The following HEXD variants were observed in gnomAD, a reference collection of about 807,000 sequenced individuals.
The protein encoded by HEXD is N-acetyl-beta-galactosaminidase.
In HEXD, 47 loss-of-function variants were observed where a neutral mutation model predicts 54.2. That is an observed-to-expected ratio of 0.87 (90% CI 0.69 to 1.11). The LOEUF (loss-of-function observed/expected upper bound fraction) is 1.11. Among genes scored for constraint, HEXD ranks in the 50% least tolerant of loss-of-function variants. The pLI, the probability that HEXD is intolerant of heterozygous loss-of-function variation, is 0.00. For synonymous variants in HEXD, 293 were observed against 287.6 expected (o/e 1.02, Z -0.19); for missense variants, 576 against 649.2 (o/e 0.89, Z 1.23).
At chr17:82,423,375 G>GCTCCTT (rs1328836255) in intron 2 of HEXD, 5 of 152,252 alleles carry the variant, frequency 3.3e-5, no homozygotes, top group African/African-American at 9.6e-5. Flanking sequence ...GTGTCATCCA[G>GCTCCTT]GAGGCCTAGC....
At chr17:82,440,848 TG>T in intron 9 of HEXD, 148 bp from the exon 10 acceptor site, 1 of 825,510 alleles carries the variant, frequency 1.2e-6, no homozygotes, top group Non-Finnish European at 2.0e-6. Context: ...CAGGTCCCCT[TG>T]GGGCCGGCAC....
intron 11 of HEXD, 72 bp downstream of exon 11, chr17:82,441,338 G>A (rs1187033111): frequency 2.9e-6 from 4 of 1,400,522 alleles, no homozygotes; most frequent in Non-Finnish European, 2.9e-6. Context: ...GAGGGGGCAG[G>A]TGTGGGTGGG....
intron 3 of HEXD, 28 bp downstream of exon 3, chr17:82,424,531 G>C (rs1180911355): frequency 1.9e-6 from 3 of 1,540,762 alleles, no homozygotes; most frequent in Non-Finnish European, 2.7e-6. Flanking sequence ...AGGTACAGGG[G>C]CGCGGCGTGA....
chr17:82,433,040 T>G (rs2053627143), intron 4 of HEXD, among the ~76,000 whole-genome samples: 1 of 113,166 alleles, frequency 8.8e-6, no homozygotes, highest in African/African-American at 3.4e-5. Context: ...CACTCCAGAC[T>G]GGGCGGCAGA....
At chr17:82,438,904 GCTC>G (rs1182799098) in intron 8 of HEXD, among the ~76,000 whole-genome samples, 2 of 152,384 alleles carry the variant, frequency 1.3e-5, no homozygotes, top group African/African-American at 4.8e-5. Context: ...GCGGGGCGAG[GCTC>G]CTCCTCCCCC....
At chr17:82,436,346 C>T (rs1486489152) in intron 6 of HEXD, among the ~76,000 whole-genome samples, 3 of 152,226 alleles carry the variant, frequency 2.0e-5, no homozygotes, top group African/African-American at 4.8e-5. Context: ...GTCCTAGGGC[C>T]GTGCCGGCCT....
intron 2 of HEXD, 56 bp from the exon 3 acceptor site, chr17:82,424,338 G>T: frequency 8.7e-7 from 1 of 1,147,982 alleles, no homozygotes. Context: ...CTGTGGACTT[G>T]CCACATCGTG....
chr17:82,436,386 G>A (rs894281122), intron 6 of HEXD, among the ~76,000 whole-genome samples: 3 of 152,222 alleles, frequency 2.0e-5, no homozygotes, highest in African/African-American at 7.2e-5. Context: ...TGGCCACATA[G>A]ATGACTTAGA....
chr17:82,433,727 C>T lies in HEXD; in HGVS notation c.352C>T (p.His118Tyr). 1.2e-6 allele frequency: 2 copies of T among 1,613,302 alleles called. No homozygotes were observed. Among genetic ancestry groups the T allele is most frequent in the Non-Finnish European group, 1.7e-6 (2 of 1,179,872 alleles). Reference protein sequence around the residue: ...VGSFPCTLNPHEAESLALVGA... With the variant: ...VGSFPCTLNPYEAESLALVGA... ...CTCCTTCCCCTGCACCCTGAACCCC[C>T]ACGAGGCAGAGTCCCTGGCGCTGGT... The change falls in exon 5 of 13, where the codon CAC becomes TAC. Residue 118 changes from histidine to tyrosine, a missense_variant. Physicochemically the swap from His to Tyr is moderately conservative, Grantham distance 83. Coordinates refer to ENST00000327949, the MANE Select transcript of HEXD (RefSeq NM_001330542.2).
rs2053333853 is a variant in HEXD at position 82,424,403 on chromosome 17, CTG to C, written c.96_97del (p.Phe33ProfsTer11). Reference sequence around the variant, plus strand: ...CCTGTTTACCCCCCAGATTTTTCCTCTGTTCCGTGCGCTAGGTGCAAACGGCC... The same window carrying C: ...CCTGTTTACCCCCCAGATTTTTCCTCTTCCGTGCGCTAGGTGCAAACGGCC... ...KVSYLSEIFP[L>X]FRALGANGLL... On this transcript the variant is annotated frameshift_variant, in exon 3 of 13. Coordinates refer to ENST00000327949, the MANE Select transcript of HEXD (RefSeq NM_001330542.2). LOFTEE classifies it high-confidence loss of function. The C allele has an allele frequency of 6.2e-7, 1 of 1,613,658 alleles. No homozygotes were observed. Among genetic ancestry groups the C allele is most frequent in the African/African-American group, 1.3e-5 (1 of 75,042 alleles).
chr17:82,427,960 T>G (rs1021629104), intron 3 of HEXD: 3 of 152,326 alleles, frequency 2.0e-5, no homozygotes, highest in Non-Finnish European at 4.4e-5. Context: ...GACCCGGCTC[T>G]GGATGGAGTG....
intron 6 of HEXD, 118 bp downstream of exon 6, chr17:82,435,990 C>G (rs893860662): frequency 1.1e-6 from 1 of 927,492 alleles, no homozygotes; most frequent in Non-Finnish European, 1.6e-6. Context: ...CCCGCACAGA[C>G]CCGCCACAAC....
rs2053135875 is a variant in HEXD at position 82,418,615 on chromosome 17, C to G, written c.-177C>G. The G allele has an allele frequency of 2.8e-6, 1 of 363,568 alleles. No individual in the cohort carries two copies. Among genetic ancestry groups the G allele is most frequent in the Non-Finnish European group, 4.4e-6 (1 of 225,848 alleles). The allele number at this position is 363,568 out of a possible 1,614,324, so 22.5% of individuals were successfully genotyped here. A position where few individuals can be genotyped will look rare whatever the true frequency, so the allele number is the denominator to read the frequency against. ...ACGCGCTCGGCCATCGGCCCCTGGGCTGGCGGCCAGGCCCGAGCAATCGGC... is the reference window on the plus strand; with the variant it reads ...ACGCGCTCGGCCATCGGCCCCTGGGGTGGCGGCCAGGCCCGAGCAATCGGC... On this transcript the variant is annotated 5_prime_UTR_variant, in exon 1 of 13. Coordinates refer to ENST00000327949, the MANE Select transcript of HEXD (RefSeq NM_001330542.2).
chr17:82,418,549 C>T lies in HEXD; in HGVS notation c.-243C>T. ...CCAGGCCCGGGGACGAACGCCGTAA[C>T]AGGGAGCGCGAGGCAGGCACGGCGC... is the stretch of plus-strand genomic sequence containing the variant. On this transcript the variant is annotated 5_prime_UTR_variant, in exon 1 of 13. Transcript: ENST00000327949. The T allele has an allele frequency of 1.1e-6, 1 of 948,904 alleles. No individual in the cohort carries two copies. The highest frequency in any genetic ancestry group is 1.4e-6 in the Non-Finnish European group (1 of 718,032). The allele number at this position is 948,904 out of a possible 1,614,324, so 58.8% of individuals were successfully genotyped here.
chr17:82,436,522 C>T, intron 6 of HEXD, 145 bp from the exon 7 acceptor site: 1 of 641,088 alleles, frequency 1.6e-6, no homozygotes, highest in Non-Finnish European at 2.7e-6. Flanking sequence ...TTGTGGCATT[C>T]ATTGTCAAAA....
In HEXD at chr17:82,418,538, G is replaced by T; in HGVS notation, c.-254G>T. On this transcript the variant is annotated 5_prime_UTR_variant, in exon 1 of 13. Transcript: ENST00000327949. The stretch of plus-strand genomic sequence containing the variant: ...GGACGCGGGCGCCAGGCCCGGGGAC[G>T]AACGCCGTAACAGGGAGCGCGAGGC... 2 of 1,095,880 alleles carry T rather than the reference G, an allele frequency of 1.8e-6. No individual in the cohort carries two copies. Among genetic ancestry groups the T allele is most frequent in the East Asian group, 3.4e-5 (1 of 29,324 alleles). 67.9% of individuals were successfully genotyped at this position (1,095,880 alleles called of 1,614,324 possible). A position where few individuals can be genotyped will look rare whatever the true frequency, so the allele number is the denominator to read the frequency against.
intron 6 of HEXD, among the ~76,000 whole-genome samples, 164 bp downstream of exon 6, chr17:82,436,036 G>A (rs572434121): frequency 3.9e-5 from 6 of 152,354 alleles, no homozygotes; most frequent in Admixed American, 1.3e-4. Flanking sequence ...GGCCTGAGTC[G>A]TTTCCCTAGA....
intron 3 of HEXD, among the ~76,000 whole-genome samples, chr17:82,425,098 A>G (rs868714177): frequency 5.7e-4 from 83 of 146,294 alleles, no homozygotes; most frequent in African/African-American, 2.1e-3. Flanking sequence ...AGGCTGGGCT[A>G]GAGAAGGCCG....
chr17:82,418,420 G>C lies in HEXD; in HGVS notation c.-372G>C. The C allele has an allele frequency of 6.8e-7, 1 of 1,479,318 alleles. No individual in the cohort carries two copies. The highest frequency in any genetic ancestry group is 3.0e-5 in the East Asian group (1 of 33,752). 91.6% of individuals were successfully genotyped at this position (1,479,318 alleles called of 1,614,324 possible). On this transcript the variant is annotated 5_prime_UTR_variant, in exon 1 of 13. Coordinates refer to ENST00000327949, the MANE Select transcript of HEXD (RefSeq NM_001330542.2). ...CCCCTCCTCACCGCTACCTGCTCCG[G>C]TTCCGGCGCTCGGCCGCTCCGTTGC...
Sources: gnomAD v4.1 joint callset for allele counts (sites outside exome capture counted in the v4.1 genomes callset) on GRCh38, gnomAD v4.1.1 for gene constraint, MANE v1.5 for transcripts, NCBI Gene and HGNC (gene_info 2026-07-23, HGNC 2026-07-21) for gene names.